Variants in FAT3 observed in about 807,000 individuals in gnomAD.
FAT3 encodes FAT atypical cadherin 3, also known as protocadherin Fat 3.
Under a neutral mutation model 310.2 loss-of-function variants are expected in FAT3, and 95 were observed. That is an observed-to-expected ratio of 0.31 (90% CI 0.26 to 0.36). The LOEUF (loss-of-function observed/expected upper bound fraction) is 0.36. FAT3 is among the 10% of genes least tolerant of loss of function. The probability of loss-of-function intolerance (pLI) is 1.00; values close to 1 mark genes in which losing one functional copy is unlikely to be tolerated. For synonymous variants in FAT3, 2,314 were observed against 2,192.9 expected, an observed-to-expected ratio of 1.06 and a Z score of -1.54; for missense variants, 5,408 against 5,715.6, an observed-to-expected ratio of 0.95 and a Z score of 1.74.
At chr11:92,400,560 A>T (rs1949990035) in intron 2 of FAT3, 1 of 152,160 alleles carries the variant, frequency 6.6e-6, no homozygotes, top group African/African-American at 2.4e-5. Context: ...ATATCATTGC[A>T]TATTTGTGCA....
chr11:92,233,289 A>G lies in FAT3; in HGVS notation c.-18+8115A>G, dbSNP rs376644204. ...TTTTTAATTCCTCATCTTCATAGGT[A>G]TGTTCTCTAAGTCAGAGCTATTTAA... On this transcript the variant is annotated intron_variant, in intron 1 of 27. Transcript: ENST00000525166. Among the ~76,000 whole-genome samples, 4 of 152,302 alleles carry G rather than the reference A, an allele frequency of 2.6e-5. No homozygotes were observed. The East Asian group carries it at 5.8e-4, about 22-fold the overall frequency.
chr11:92,410,506 T>C (rs1351480305), intron 2 of FAT3, among the ~76,000 whole-genome samples: 1 of 152,184 alleles, frequency 6.6e-6, no homozygotes, highest in Admixed American at 6.5e-5. Flanking sequence ...GCTGGACATA[T>C]AATCTGACAA....
intron 3 of FAT3, among the ~76,000 whole-genome samples, chr11:92,535,869 C>G (rs1954240599): frequency 6.6e-6 from 1 of 151,626 alleles, no homozygotes; most frequent in South Asian, 2.1e-4. Context: ...TTAATATTGA[C>G]TGGCATTCAG....
At chr11:92,471,798 T>C (rs1951911128) in intron 2 of FAT3, among the ~76,000 whole-genome samples, 2 of 151,866 alleles carry the variant, frequency 1.3e-5, no homozygotes, top group Non-Finnish European at 2.9e-5. Context: ...TTCATGCAGT[T>C]GAATATTATA....
chr11:92,896,325 GAAAA>G lies in FAT3; in HGVS notation c.*5219_*5222del, dbSNP rs140558753. ...TTTTCTAAAAAAAAAGAAAAGAAAA[GAAAA>G]AAAAAACAAAAGCAAACAAAAAAAA... On this transcript the variant is annotated 3_prime_UTR_variant, in exon 28 of 28. Coordinates refer to ENST00000525166, the MANE Select transcript of FAT3 (RefSeq NM_001367949.2). 1.0e-4 allele frequency: 7 copies of G among 67,650 alleles called. No individual in the cohort carries two copies. The highest frequency in any genetic ancestry group is 1.9e-4 in the Non-Finnish European group (6 of 31,000). The allele number at this position is 67,650 out of a possible 1,614,324, so 4.2% of individuals were successfully genotyped here.
At chr11:92,717,861 C>G (rs1341813927) in intron 4 of FAT3, among the ~76,000 whole-genome samples, 4 of 152,034 alleles carry the variant, frequency 2.6e-5, no homozygotes, top group Non-Finnish European at 5.9e-5. Flanking sequence ...AAATCACCAG[C>G]CATGATCTTT....
chr11:92,740,223 T>A (rs897372359), intron 4 of FAT3, among the ~76,000 whole-genome samples: 2 of 152,232 alleles, frequency 1.3e-5, no homozygotes, highest in Non-Finnish European at 2.9e-5. Flanking sequence ...GAAGTCTTTC[T>A]TTTGAAATGC....
At chr11:92,623,868 G>T (rs1027425647) in intron 3 of FAT3, among the ~76,000 whole-genome samples, 1 of 152,080 alleles carries the variant, frequency 6.6e-6, no homozygotes, top group African/African-American at 2.4e-5. Context: ...GCGTGAACCC[G>T]GGAGGCAGAG....
intron 1 of FAT3, among the ~76,000 whole-genome samples, chr11:92,237,529 A>C (rs1298616685): frequency 6.6e-6 from 1 of 152,148 alleles, no homozygotes; most frequent in Non-Finnish European, 1.5e-5. Flanking sequence ...ATCCTAGTGA[A>C]CACTGGTGAG....
chr11:92,310,857 T>G (rs1170822446), intron 1 of FAT3, among the ~76,000 whole-genome samples: 2 of 152,084 alleles, frequency 1.3e-5, no homozygotes. Flanking sequence ...GGAAATCATC[T>G]GATGCCACCA....
At chr11:92,590,940 A>C (rs551946988) in intron 3 of FAT3, among the ~76,000 whole-genome samples, 1 of 152,276 alleles carries the variant, frequency 6.6e-6, no homozygotes, top group East Asian at 1.9e-4. Flanking sequence ...AATGGATTAG[A>C]AATGGATGAG....
At chr11:92,813,883 G>C (rs1214893896) in intron 13 of FAT3, among the ~76,000 whole-genome samples, 6 of 152,168 alleles carry the variant, frequency 3.9e-5, no homozygotes, top group Non-Finnish European at 8.8e-5. Context: ...TCTGAAATTT[G>C]TGTCCCTCTA....
chr11:92,574,005 T>C (rs1938331024), intron 3 of FAT3, among the ~76,000 whole-genome samples: 1 of 139,640 alleles, frequency 7.2e-6, no homozygotes, highest in Non-Finnish European at 1.6e-5. Context: ...CGTGTTCCTC[T>C]GAAGGCAAAT....
chr11:92,294,809 C>T (rs567094685), intron 1 of FAT3, among the ~76,000 whole-genome samples: 127 of 152,102 alleles, frequency 8.3e-4, no homozygotes, highest in African/African-American at 2.9e-3. Flanking sequence ...AAATGTAGAA[C>T]CTGGAGCCAG....
intron 27 of FAT3, 36 bp from the exon 28 acceptor site, chr11:92,890,455 T>C: frequency 6.3e-7 from 1 of 1,578,454 alleles, no homozygotes; most frequent in Non-Finnish European, 8.6e-7. Flanking sequence ...AACTCCAGTC[T>C]AGAGGAAATT....
intron 2 of FAT3, among the ~76,000 whole-genome samples, chr11:92,357,801 T>C (rs191283094): frequency 6.6e-6 from 1 of 152,114 alleles, no homozygotes; most frequent in African/African-American, 2.4e-5. Flanking sequence ...ACAGTGTTTC[T>C]ACCTTGGGTG....
intron 2 of FAT3, chr11:92,367,078 G>A: frequency 4.3e-6 from 2 of 461,190 alleles, no homozygotes; most frequent in South Asian, 1.7e-5. Context: ...CTTCTGCACT[G>A]AGGTGAAGCA....
chr11:92,277,472 C>T (rs1457067074), intron 1 of FAT3, among the ~76,000 whole-genome samples: 2 of 152,000 alleles, frequency 1.3e-5, no homozygotes, highest in East Asian at 1.9e-4. Flanking sequence ...TGCACATCAG[C>T]GGTGGATTGA....
At chr11:92,620,429 A>G (rs891493854) in intron 3 of FAT3, among the ~76,000 whole-genome samples, 4 of 152,222 alleles carry the variant, frequency 2.6e-5, no homozygotes, top group Admixed American at 1.3e-4. Context: ...TAGTTGTTCC[A>G]TGGCACATGT....
Sources: gnomAD v4.1 joint callset for allele counts (sites outside exome capture counted in the v4.1 genomes callset) on GRCh38, gnomAD v4.1.1 for gene constraint, MANE v1.5 for transcripts, NCBI Gene and HGNC (gene_info 2026-07-23, HGNC 2026-07-21) for gene names.